Variants in NOX4 observed in about 807,000 individuals in gnomAD.
The protein encoded by NOX4 is kidney oxidase-1.
A neutral mutation model predicts 87.6 loss-of-function variants in NOX4; 69 were observed. The observed-to-expected ratio is 0.79, with a 90% CI of 0.65 to 0.96. The LOEUF is 0.96. NOX4 is among the 40% of genes least tolerant of loss of function. The probability of loss-of-function intolerance (pLI) is 0.00; values close to 1 mark genes in which losing one functional copy is unlikely to be tolerated. For missense variants in NOX4, 680 were observed against 681.5 expected (o/e 1.00, Z 0.02); for synonymous variants, 275 against 238.2 (o/e 1.15, Z -1.42).
chr11:89,510,296 C>A, the NOX4 span, among the ~76,000 whole-genome samples: 1 of 152,030 alleles, frequency 6.6e-6, no homozygotes, highest in South Asian at 2.1e-4. Context: ...CTTATATTTT[C>A]TATTTAGAGA....
intron 8 of NOX4, among the ~76,000 whole-genome samples, chr11:89,407,241 A>G (rs1942236874): frequency 6.6e-6 from 1 of 152,116 alleles, no homozygotes; most frequent in Non-Finnish European, 1.5e-5. Context: ...GTATTGTTGT[A>G]GCTTTCATAA....
chr11:89,544,499 C>A, the NOX4 span, among the ~76,000 whole-genome samples: 4 of 152,198 alleles, frequency 2.6e-5, no homozygotes, highest in African/African-American at 9.6e-5. Context: ...AGGTGAAAGT[C>A]ATGAAGTAAA....
chr11:89,545,596 T>C, the NOX4 span: 16 of 151,650 alleles, frequency 1.1e-4, 1 homozygote, highest in South Asian at 3.3e-3. Flanking sequence ...TGACAATACA[T>C]CACCAGAATT....
intron 12 of NOX4, among the ~76,000 whole-genome samples, chr11:89,366,433 T>C (rs1225111865): frequency 2.6e-5 from 4 of 152,066 alleles, no homozygotes; most frequent in African/African-American, 9.7e-5. Context: ...GTCACAGCAC[T>C]TTGGGAGGCC....
intron 11 of NOX4, among the ~76,000 whole-genome samples, chr11:89,385,001 A>G (rs1220711935): frequency 6.6e-6 from 1 of 152,132 alleles, no homozygotes; most frequent in Non-Finnish European, 1.5e-5. Flanking sequence ...CTCATTAGCA[A>G]AGGCAGGCTA....
intron 2 of NOX4, among the ~76,000 whole-genome samples, chr11:89,472,484 A>T (rs1467468801): frequency 2.6e-5 from 4 of 152,148 alleles, no homozygotes; most frequent in Non-Finnish European, 5.9e-5. Context: ...ATGACTTTAT[A>T]TTCAGATTTC....
At chr11:89,512,825 C>T in the NOX4 span, among the ~76,000 whole-genome samples, 1 of 152,064 alleles carries the variant, frequency 6.6e-6, no homozygotes, top group East Asian at 1.9e-4. Context: ...ACTGATTATA[C>T]TTGCAGTTAC....
chr11:89,513,242 C>T, the NOX4 span, among the ~76,000 whole-genome samples: 1 of 151,884 alleles, frequency 6.6e-6, no homozygotes. Flanking sequence ...ACTGCTTGAA[C>T]CTGGGAGGTG....
the NOX4 span, among the ~76,000 whole-genome samples, chr11:89,537,724 T>G: frequency 6.6e-6 from 1 of 152,284 alleles, no homozygotes; most frequent in East Asian, 1.9e-4. Context: ...CTCTTCCATT[T>G]GAAGGCCAGT....
intron 2 of NOX4, among the ~76,000 whole-genome samples, chr11:89,477,808 A>C (rs1201863531): frequency 6.6e-6 from 1 of 152,158 alleles, no homozygotes; most frequent in Non-Finnish European, 1.5e-5. Flanking sequence ...TTTGGGAGCT[A>C]AAATGTGGAA....
At chr11:89,356,177 G>A (rs1938031631) in intron 12 of NOX4, among the ~76,000 whole-genome samples, 1 of 152,044 alleles carries the variant, frequency 6.6e-6, no homozygotes, top group African/African-American at 2.4e-5. Context: ...TCAGAATAAT[G>A]ACTATCTTTT....
chr11:89,479,911 G>C (rs1483584200), intron 2 of NOX4, among the ~76,000 whole-genome samples: 1 of 152,060 alleles, frequency 6.6e-6, no homozygotes, highest in Non-Finnish European at 1.5e-5. Context: ...TGCTCTTTCA[G>C]TCATCCCTTG....
intron 2 of NOX4, among the ~76,000 whole-genome samples, chr11:89,473,934 C>T (rs983582069): frequency 3.3e-5 from 5 of 152,094 alleles, no homozygotes; most frequent in African/African-American, 1.2e-4. Context: ...TTAAGAGGGA[C>T]TAAATGAATG....
At chr11:89,518,159 T>A in the NOX4 span, among the ~76,000 whole-genome samples, 2 of 152,042 alleles carry the variant, frequency 1.3e-5, no homozygotes, top group African/African-American at 4.8e-5. Flanking sequence ...CTTAAGAATT[T>A]GTAGTTAGTA....
chr11:89,449,372 A>G, intron 4 of NOX4, 68 bp downstream of exon 4: 1 of 1,160,214 alleles, frequency 8.6e-7, no homozygotes, highest in South Asian at 1.4e-5. Context: ...CATTCTGTGT[A>G]TGTCTGGAAT....
In NOX4 at chr11:89,325,806, C is replaced by A. The variant is rs1280783606; in HGVS notation, c.*950G>T. ...TATCCTTAGAGGCTACAGCCTAAGA[C>A]AAACCCTACCTGGGAAAAAAACAAT... On this transcript the variant is annotated 3_prime_UTR_variant, in exon 18 of 18. Transcript: ENST00000263317. 3 of 150,236 alleles carry A rather than the reference C, an allele frequency of 2.0e-5. No individual in the cohort carries two copies. The highest frequency in any genetic ancestry group is 7.4e-5 in the African/African-American group (3 of 40,760). The allele number at this position is 150,236 out of a possible 1,614,324, so 9.3% of individuals were successfully genotyped here.
chr11:89,460,231 C>T (rs182299876), intron 2 of NOX4, among the ~76,000 whole-genome samples: 394 of 152,172 alleles, frequency 2.6e-3, no homozygotes, highest in Non-Finnish European at 3.9e-3. Flanking sequence ...TAGGCAATAC[C>T]ATTCAGGACA....
chr11:89,347,499 G>T lies in NOX4; in HGVS notation c.1218-5306C>A, dbSNP rs1946268085. ...GACTTACAAGAAAGAATTGTGTCAT[G>T]CATTGGGCATTCCTCAAAGCAACAT... On this transcript the variant is annotated intron_variant, in intron 13 of 17. Coordinates refer to ENST00000263317, the MANE Select transcript of NOX4 (RefSeq NM_016931.5). 1.3e-5 allele frequency among the ~76,000 whole-genome samples: 2 copies of T among 152,168 alleles called. 1 individual carries two copies. The highest frequency in any genetic ancestry group is 4.2e-4 in the South Asian group (2 of 4,816).
intron 2 of NOX4, among the ~76,000 whole-genome samples, chr11:89,467,149 C>G (rs570226346): frequency 1.3e-5 from 2 of 151,716 alleles, no homozygotes; most frequent in East Asian, 3.9e-4. Context: ...GAGATCGAGA[C>G]CATGCTGGCT....
Sources: gnomAD v4.1 joint callset for allele counts (sites outside exome capture counted in the v4.1 genomes callset) on GRCh38, gnomAD v4.1.1 for gene constraint, MANE v1.5 for transcripts, NCBI Gene and HGNC (gene_info 2026-07-23, HGNC 2026-07-21) for gene names.